The following MRTFA variants were observed in gnomAD, a reference collection of about 807,000 sequenced individuals.
MRTFA encodes myocardin related transcription factor A, also known as myocardin-related transcription factor A.
Under a neutral mutation model 83.5 loss-of-function variants are expected in MRTFA, and 20 were observed. That is an observed-to-expected ratio of 0.24 (90% CI 0.17 to 0.35). The LOEUF (loss-of-function observed/expected upper bound fraction) is 0.35, where lower values mean the gene tolerates loss of function less well. Ranked by LOEUF, MRTFA falls within the 10% of genes least tolerant of loss-of-function variation. The probability of loss-of-function intolerance (pLI) is 1.00; values close to 1 mark genes in which losing one functional copy is unlikely to be tolerated. For synonymous variants in MRTFA, 659 were observed against 541.2 expected, an observed-to-expected ratio of 1.22 and a Z score of -3.02; for missense variants, 1,200 against 1,224.7, an observed-to-expected ratio of 0.98 and a Z score of 0.30.
intron 1 of MRTFA, among the ~76,000 whole-genome samples, chr22:40,598,263 T>C (rs8143080): frequency 7.2e-4 from 109 of 151,872 alleles, no homozygotes; most frequent in African/African-American, 2.6e-3. Context: ...GACCATCTTA[T>C]ATAAAGGTTG....
intron 4 of MRTFA, among the ~76,000 whole-genome samples, chr22:40,461,809 A>G (rs956257300): frequency 6.6e-6 from 1 of 151,962 alleles, no homozygotes; most frequent in Non-Finnish European, 1.5e-5. Flanking sequence ...AAAAAAAAAA[A>G]TTAAAATTAA....
At chr22:40,528,297 A>C (rs538871537) in intron 3 of MRTFA, among the ~76,000 whole-genome samples, 1 of 152,262 alleles carries the variant, frequency 6.6e-6, no homozygotes, top group South Asian at 2.1e-4. Flanking sequence ...CCCAAAGAAA[A>C]CCAAGATCTT....
intron 1 of MRTFA, among the ~76,000 whole-genome samples, chr22:40,617,622 G>GA (rs1172618423): frequency 6.6e-6 from 1 of 151,730 alleles, no homozygotes; most frequent in Non-Finnish European, 1.5e-5. Flanking sequence ...AGCTACTCGG[G>GA]AGGCTGAGGC....
chr22:40,635,527 C>T (rs146022075), intron 1 of MRTFA, among the ~76,000 whole-genome samples: 1 of 152,290 alleles, frequency 6.6e-6, no homozygotes, highest in African/African-American at 2.4e-5. Context: ...TATACACACA[C>T]TTCATGCCAA....
chr22:40,535,796 C>T (rs1460496608), intron 3 of MRTFA, among the ~76,000 whole-genome samples: 5 of 152,154 alleles, frequency 3.3e-5, no homozygotes, highest in Admixed American at 3.3e-4. Flanking sequence ...CTGGCTGTCT[C>T]CCTCCTGCCA....
At chr22:40,507,188 C>T (rs2054593805) in intron 3 of MRTFA, among the ~76,000 whole-genome samples, 1 of 152,058 alleles carries the variant, frequency 6.6e-6, no homozygotes, top group African/African-American at 2.4e-5. Flanking sequence ...GGCAAAACCC[C>T]ATCTCTACAA....
rs779597501 is a variant in MRTFA, at chr22:40,431,411, A to G, written c.433T>C (p.Leu145=). ...GCAATTCCAATCTCCACACCTTCCA[A>G]AATGTGCATCCTGACCAGCTCCGAT... The change falls in exon 6 of 15, where the codon TTG becomes CTG. Residue 145 remains leucine (L), a synonymous_variant. Transcript: ENST00000355630. 5 of 1,614,064 alleles carry G rather than the reference A, an allele frequency of 3.1e-6. No individual in the cohort carries two copies. Among genetic ancestry groups the G allele is most frequent in the Non-Finnish European group, 4.2e-6 (5 of 1,179,930 alleles).
At chr22:40,459,431 A>G (rs76126258) in intron 4 of MRTFA, among the ~76,000 whole-genome samples, 2,815 of 152,190 alleles carry the variant, frequency 0.018, 91 homozygotes, top group African/African-American at 0.065. Context: ...GACTATGTCC[A>G]TAGCTGAAGG....
At chr22:40,545,561 G>C (rs1298011729) in intron 3 of MRTFA, among the ~76,000 whole-genome samples, 2 of 150,180 alleles carry the variant, frequency 1.3e-5, no homozygotes, top group Non-Finnish European at 3.0e-5. Context: ...GCCTCCCAAG[G>C]AGCTGGGATT....
chr22:40,618,686 G>A (rs907034148), intron 1 of MRTFA, among the ~76,000 whole-genome samples: 20 of 152,152 alleles, frequency 1.3e-4, no homozygotes, highest in African/African-American at 4.1e-4. Flanking sequence ...ATTGCAGGCC[G>A]GGCATGGTGG....
At chr22:40,582,324 G>A (rs1056451729) in intron 2 of MRTFA, among the ~76,000 whole-genome samples, 3 of 152,170 alleles carry the variant, frequency 2.0e-5, no homozygotes, top group African/African-American at 7.2e-5. Flanking sequence ...ATCAGCTGAT[G>A]GGCATTTGGA....
Position 40,614,513 on chromosome 22 carries a change from A to T in MRTFA, c.-83-19778T>A, listed in dbSNP as rs181650684. Among the ~76,000 whole-genome samples the T allele has an allele frequency of 1.1e-3, 166 of 151,988 alleles. 4 individuals carry two copies. In the East Asian group the frequency reaches 0.03, roughly 27 times the overall value. ...ATTTTTTCTTTTTCTTTTGAGACGG[A>T]GTTTCGCTCTCGTTACCAGACTGGA... On this transcript the variant is annotated intron_variant, in intron 1 of 14. Coordinates refer to ENST00000355630, the MANE Select transcript of MRTFA (RefSeq NM_020831.6).
At chr22:40,486,547 A>G (rs1030175712) in intron 3 of MRTFA, among the ~76,000 whole-genome samples, 3 of 152,100 alleles carry the variant, frequency 2.0e-5, no homozygotes, top group African/African-American at 7.2e-5. Flanking sequence ...TTTTCTAACC[A>G]CAAATCTGGC....
intron 3 of MRTFA, among the ~76,000 whole-genome samples, chr22:40,510,672 T>C (rs767972073): frequency 5.9e-5 from 9 of 152,086 alleles, no homozygotes; most frequent in Non-Finnish European, 1.2e-4. Flanking sequence ...AAAGGGGCCA[T>C]ACTTCTAACA....
intron 3 of MRTFA, among the ~76,000 whole-genome samples, chr22:40,470,139 G>T (rs1261271637): frequency 6.7e-6 from 1 of 148,456 alleles, no homozygotes; most frequent in Non-Finnish European, 1.5e-5. Flanking sequence ...TAGTAGAATT[G>T]CTTGAACCCT....
At chr22:40,503,048 T>C (rs1226003092) in intron 3 of MRTFA, among the ~76,000 whole-genome samples, 2 of 152,180 alleles carry the variant, frequency 1.3e-5, no homozygotes, top group African/African-American at 4.8e-5. Flanking sequence ...CTAGTAAAGC[T>C]TCTGAACAAC....
intron 10 of MRTFA, 71 bp downstream of exon 10, chr22:40,420,776 A>AGACCTGGCACC: frequency 1.3e-6 from 2 of 1,595,840 alleles, no homozygotes; most frequent in South Asian, 2.2e-5. Context: ...CACCCCCACC[A>AGACCTGGCACC]GACCTGGCAC....
At chr22:40,464,310 A>G (rs1051486719) in intron 3 of MRTFA, among the ~76,000 whole-genome samples, 25 of 74,252 alleles carry the variant, frequency 3.4e-4, no homozygotes, top group Middle Eastern at 6.0e-3. Flanking sequence ...CTGTCTCAGG[A>G]AAAAAAAAAA....
chr22:40,491,992 C>T (rs139603305), intron 3 of MRTFA, among the ~76,000 whole-genome samples: 579 of 152,294 alleles, frequency 3.8e-3, no homozygotes, highest in Non-Finnish European at 6.1e-3. Flanking sequence ...CGAACCTTCC[C>T]GCAAACTGTG....
Sources: gnomAD v4.1 joint callset for allele counts (sites outside exome capture counted in the v4.1 genomes callset) on GRCh38, gnomAD v4.1.1 for gene constraint, MANE v1.5 for transcripts, NCBI Gene and HGNC (gene_info 2026-07-23, HGNC 2026-07-21) for gene names.